The following LRFN5 variants were observed in gnomAD, a reference collection of about 807,000 sequenced individuals.
LRFN5 encodes the protein leucine rich repeat and fibronectin type III domain containing 5, also known as leucine-rich repeat and fibronectin type-III domain-containing protein 5.
LRFN5 carries 24 observed loss-of-function variants against 45.6 expected under a neutral mutation model. The ratio of observed to expected loss-of-function variants is 0.53; its 90% CI spans 0.38 to 0.74. LRFN5 has a LOEUF of 0.74. Among genes scored for constraint, LRFN5 ranks in the 30% least tolerant of loss-of-function variants. LRFN5 has a pLI of 0.00. For missense variants in LRFN5, 776 were observed against 861.5 expected (o/e 0.90, Z 1.24); for synonymous variants, 340 against 313.8 (o/e 1.08, Z -0.88).
intron 1 of LRFN5, among the ~76,000 whole-genome samples, chr14:41,715,483 G>A (rs1461037519): frequency 1.3e-5 from 2 of 152,098 alleles, no homozygotes; most frequent in Non-Finnish European, 2.9e-5. Context: ...ACCTTATGTG[G>A]TATCTCACCT....
chr14:41,620,159 T>C (rs543489530), intron 1 of LRFN5, among the ~76,000 whole-genome samples: 7 of 152,190 alleles, frequency 4.6e-5, no homozygotes, highest in African/African-American at 1.7e-4. Flanking sequence ...TATAAAACCA[T>C]ATCAAGGCAG....
intron 1 of LRFN5, among the ~76,000 whole-genome samples, chr14:41,698,156 T>C (rs1266992226): frequency 6.6e-6 from 1 of 151,974 alleles, no homozygotes; most frequent in African/African-American, 2.4e-5. Context: ...CAAATTCCTA[T>C]AAAAATATAG....
intron 2 of LRFN5, among the ~76,000 whole-genome samples, chr14:41,880,878 C>A (rs1180161138): frequency 1.3e-5 from 2 of 152,078 alleles, no homozygotes; most frequent in Non-Finnish European, 2.9e-5. Flanking sequence ...CTATAAAATG[C>A]CCATATTTAT....
intron 1 of LRFN5, among the ~76,000 whole-genome samples, chr14:41,638,553 C>T (rs895483797): frequency 4.6e-5 from 7 of 152,026 alleles, no homozygotes; most frequent in African/African-American, 9.7e-5. Context: ...GGGAAAAAGA[C>T]GTTTAAAAAT....
intron 1 of LRFN5, among the ~76,000 whole-genome samples, chr14:41,710,306 T>C (rs1350049135): frequency 2.0e-5 from 3 of 152,154 alleles, no homozygotes; most frequent in African/African-American, 7.2e-5. Flanking sequence ...TTCAAATTAA[T>C]GAAATTTCAT....
At chr14:41,753,025 C>G (rs2138847907) in intron 1 of LRFN5, among the ~76,000 whole-genome samples, 1 of 152,278 alleles carries the variant, frequency 6.6e-6, no homozygotes. Context: ...AATAGGGAAA[C>G]CTTCCCCCAT....
At chr14:41,649,532 C>T (rs955666884) in intron 1 of LRFN5, among the ~76,000 whole-genome samples, 2 of 152,080 alleles carry the variant, frequency 1.3e-5, no homozygotes. Flanking sequence ...GCTTCTGAAT[C>T]TTCTCCTAGG....
At chr14:41,693,392 A>G (rs74046613) in intron 1 of LRFN5, among the ~76,000 whole-genome samples, 206 of 151,996 alleles carry the variant, frequency 1.4e-3, no homozygotes, top group African/African-American at 4.8e-3. Flanking sequence ...TTATTATGGG[A>G]CCTTTCATTG....
intron 2 of LRFN5, among the ~76,000 whole-genome samples, chr14:41,795,460 A>C (rs1477704117): frequency 6.6e-6 from 1 of 152,150 alleles, no homozygotes; most frequent in African/African-American, 2.4e-5. Flanking sequence ...TCATGCTGCT[A>C]TAAAGACACA....
chr14:41,711,149 CA>C (rs1424866808), intron 1 of LRFN5, among the ~76,000 whole-genome samples: 1 of 151,974 alleles, frequency 6.6e-6, no homozygotes, highest in African/African-American at 2.4e-5. Flanking sequence ...CATCTTACTA[CA>C]AAGATGAAAA....
At chr14:41,744,134 G>A (rs1884821151) in intron 1 of LRFN5, among the ~76,000 whole-genome samples, 2 of 152,070 alleles carry the variant, frequency 1.3e-5, no homozygotes, top group Non-Finnish European at 2.9e-5. Flanking sequence ...TGAGTGAATT[G>A]CTCAAGCCCA....
chr14:41,784,107 A>C (rs1415351995), intron 2 of LRFN5, among the ~76,000 whole-genome samples: 1 of 152,078 alleles, frequency 6.6e-6, no homozygotes, highest in Non-Finnish European at 1.5e-5. Flanking sequence ...TTAACGACAA[A>C]ATTTTCTTTA....
chr14:41,711,216 G>A (rs935872788), intron 1 of LRFN5, among the ~76,000 whole-genome samples: 6 of 152,234 alleles, frequency 3.9e-5, no homozygotes, highest in African/African-American at 1.2e-4. Context: ...GCACACGCAT[G>A]CACACATATT....
chr14:41,662,498 CAGATATAAG>C (rs1378730773), intron 1 of LRFN5, among the ~76,000 whole-genome samples: 1 of 151,796 alleles, frequency 6.6e-6, no homozygotes, highest in Non-Finnish European at 1.5e-5. Context: ...TTAAATAGTA[CAGATATAAG>C]AGGAAATGGA....
chr14:41,644,992 C>T (rs888846166), intron 1 of LRFN5, among the ~76,000 whole-genome samples: 10 of 152,178 alleles, frequency 6.6e-5, no homozygotes, highest in Non-Finnish European at 1.2e-4. Context: ...AGTAAGGTAA[C>T]TAAAGCATAA....
chr14:41,761,123 G>A (rs1334340669), intron 1 of LRFN5, among the ~76,000 whole-genome samples: 1 of 152,048 alleles, frequency 6.6e-6, no homozygotes, highest in East Asian at 1.9e-4. Context: ...ATGTGCATAC[G>A]CAGTTGTGTG....
intron 1 of LRFN5, among the ~76,000 whole-genome samples, chr14:41,678,520 A>G (rs944319000): frequency 2.6e-5 from 4 of 152,184 alleles, no homozygotes; most frequent in Admixed American, 6.5e-5. Flanking sequence ...AAAGACTTGA[A>G]TGATATCATT....
intron 2 of LRFN5, among the ~76,000 whole-genome samples, chr14:41,805,006 G>A (rs73319040): frequency 0.011 from 1,733 of 152,066 alleles, 31 homozygotes; most frequent in African/African-American, 0.039. Flanking sequence ...GATGGTAATG[G>A]TTTTACTGCA....
At chr14:41,853,062 G>C (rs1889327382) in intron 2 of LRFN5, among the ~76,000 whole-genome samples, 1 of 151,878 alleles carries the variant, frequency 6.6e-6, no homozygotes, top group Admixed American at 6.6e-5. Context: ...GGAACTCGTA[G>C]GCATAAAAAG....
Sources: gnomAD v4.1 joint callset for allele counts (sites outside exome capture counted in the v4.1 genomes callset) on GRCh38, gnomAD v4.1.1 for gene constraint, MANE v1.5 for transcripts, NCBI Gene and HGNC (gene_info 2026-07-23, HGNC 2026-07-21) for gene names.